HTR2A: variants seen among roughly 807,000 people sequenced by gnomAD.
The protein encoded by HTR2A is 5-hydroxytryptamine receptor 2A, also known as 5-HT2 receptor.
A neutral mutation model predicts 31.0 loss-of-function variants in HTR2A; 14 were observed. The observed-to-expected ratio is 0.45, with a 90% CI of 0.30 to 0.71. HTR2A has a LOEUF of 0.71. HTR2A is among the 30% of genes least tolerant of loss of function. HTR2A has a pLI of 0.09. For missense variants in HTR2A, 442 were observed against 573.3 expected (o/e 0.77, Z 2.34); for synonymous variants, 209 against 225.2 (o/e 0.93, Z 0.64).
chr13:46,891,170 C>T (rs771630504), intron 3 of HTR2A, among the ~76,000 whole-genome samples: 1 of 152,164 alleles, frequency 6.6e-6, no homozygotes, highest in Non-Finnish European at 1.5e-5. Context: ...CAAATAAGCA[C>T]CATAGAATCT....
chr13:46,881,201 C>T (rs1212308128), intron 3 of HTR2A, among the ~76,000 whole-genome samples: 1 of 152,162 alleles, frequency 6.6e-6, no homozygotes, highest in Non-Finnish European at 1.5e-5. Context: ...TCTCTTGCAT[C>T]TGTGGGCAGA....
chr13:46,856,403 G>A (rs1013455426), intron 3 of HTR2A: 1 of 152,162 alleles, frequency 6.6e-6, no homozygotes, highest in African/African-American at 2.4e-5. Context: ...TACACTGCAA[G>A]TTTATGAAAT....
chr13:46,839,140 C>T (rs1175984948), intron 3 of HTR2A, among the ~76,000 whole-genome samples: 1 of 152,080 alleles, frequency 6.6e-6, no homozygotes, highest in Non-Finnish European at 1.5e-5. Context: ...ACACGCAGAG[C>T]TGTTCTGTCT....
At chr13:46,844,283 TAA>T (rs1445140634) in intron 3 of HTR2A, among the ~76,000 whole-genome samples, 1 of 152,080 alleles carries the variant, frequency 6.6e-6, no homozygotes, top group East Asian at 1.9e-4. Context: ...GAGAGGAAAA[TAA>T]AAGAGAGAGT....
chr13:46,884,332 CTG>C (rs541443967), intron 3 of HTR2A, among the ~76,000 whole-genome samples: 2 of 152,168 alleles, frequency 1.3e-5, no homozygotes, highest in African/African-American at 2.4e-5. Context: ...GAAAGGGAAA[CTG>C]TGGATAAATG....
chr13:46,876,776 G>A (rs1950917521), intron 3 of HTR2A, among the ~76,000 whole-genome samples: 1 of 152,062 alleles, frequency 6.6e-6, no homozygotes, highest in African/African-American at 2.4e-5. Context: ...TTTGCTAGAT[G>A]CTTTATGTTC....
Position 46,895,991 on chromosome 13 carries a change from C to T in HTR2A, c.-85G>A, listed in dbSNP as rs1486140338. 5.3e-6 allele frequency: 8 copies of T among 1,505,682 alleles called. No individual in the cohort carries two copies. Among genetic ancestry groups the T allele is most frequent in the Non-Finnish European group, 6.2e-6 (7 of 1,134,854 alleles). 93.3% of individuals were successfully genotyped at this position (1,505,682 alleles called of 1,614,324 possible). A position where few individuals can be genotyped will look rare whatever the true frequency, so the allele number is the denominator to read the frequency against. On this transcript the variant is annotated 5_prime_UTR_variant, in exon 2 of 4. It adds an upstream start codon to the 5' untranslated region. Coordinates refer to ENST00000542664, the MANE Select transcript of HTR2A (RefSeq NM_000621.5). The surrounding 1 kb of genome is among the most constrained non-coding windows in gnomAD (Gnocchi z 4.4). ...CTCACCATTCACCTTGATGTACCCA[C>T]ACTCTGTAACACTGAGGCTGGTGTA...
At position 46,895,866 on chromosome 13, in the gene HTR2A, G is replaced by A. The variant is rs778929461; in HGVS notation, c.41C>T (p.Thr14Ile). The change falls in exon 2 of 4, where the codon ACT (threonine) becomes ATT (isoleucine). Residue 14 changes from threonine (T) to isoleucine (I), a missense_variant. Thr to Ile is a moderately conservative substitution (Grantham distance 89, BLOSUM62 -1). Coordinates refer to ENST00000542664, the MANE Select transcript of HTR2A (RefSeq NM_000621.5). This position sits in a 1 kb window ranked among gnomAD's most constrained non-coding sequence, Gnocchi z 4.4. ...ATTTAATTGCATTAGGGAGTTCGTA[G>A]TTGAGCTCAAAGAAGTATTTTCTTC... ...LCEENTSLSS[T>I]TNSLMQLNDD... 6.2e-7 allele frequency: 1 copy of A among 1,613,040 alleles called. No homozygotes were observed. The highest frequency in any genetic ancestry group is 1.3e-5 in the African/African-American group (1 of 74,858).
chr13:46,883,240 T>C (rs920105830), intron 3 of HTR2A, among the ~76,000 whole-genome samples: 1 of 133,296 alleles, frequency 7.5e-6, no homozygotes, highest in Admixed American at 7.5e-5. Flanking sequence ...TTGAGCTGCA[T>C]GAAGGCAAGA....
chr13:46,896,395 T>G (rs1440428699), intron 1 of HTR2A, among the ~76,000 whole-genome samples, 161 bp from the exon 2 acceptor site: 1 of 152,198 alleles, frequency 6.6e-6, no homozygotes, highest in East Asian at 1.9e-4. Context: ...GAAAGTCAAT[T>G]AAAAATACAT....
intron 3 of HTR2A, chr13:46,853,837 C>G (rs1950710300): frequency 6.6e-6 from 1 of 152,212 alleles, no homozygotes; most frequent in Admixed American, 6.5e-5. Context: ...TTCTGGGCTA[C>G]ATTTCTTTCC....
chr13:46,884,182 C>T (rs1016157824), intron 3 of HTR2A, among the ~76,000 whole-genome samples: 6 of 152,350 alleles, frequency 3.9e-5, no homozygotes, highest in African/African-American at 1.4e-4. Context: ...TGAAGTGGCT[C>T]ACGCCTGTAA....
chr13:46,878,752 C>G (rs4942583), intron 3 of HTR2A, among the ~76,000 whole-genome samples: 142,747 of 152,258 alleles, frequency 0.94, 66,962 homozygotes, highest in African/African-American at 0.96. Flanking sequence ...AAGAGTAACA[C>G]TAGATGAGTA....
intron 3 of HTR2A, among the ~76,000 whole-genome samples, chr13:46,876,374 G>A (rs1566314597): frequency 8.1e-6 from 1 of 123,154 alleles, no homozygotes; most frequent in Non-Finnish European, 1.8e-5. Flanking sequence ...CTGTGTGCTT[G>A]TATTTTGATT....
At chr13:46,838,437 C>T (rs527587138) in intron 3 of HTR2A, among the ~76,000 whole-genome samples, 4 of 152,270 alleles carry the variant, frequency 2.6e-5, no homozygotes, top group Admixed American at 2.0e-4. Context: ...TAGTGATGTT[C>T]TACCAGTGGT....
At chr13:46,853,015 C>G (rs1324155656) in intron 3 of HTR2A, among the ~76,000 whole-genome samples, 1 of 147,066 alleles carries the variant, frequency 6.8e-6, no homozygotes, top group African/African-American at 2.5e-5. Context: ...TCTGATTTTT[C>G]TTTTTCTCCT....
At chr13:46,896,367 G>A (rs1274767475) in intron 1 of HTR2A, 133 bp from the exon 2 acceptor site, 3 of 465,004 alleles carry the variant, frequency 6.5e-6, no homozygotes, top group Non-Finnish European at 9.9e-6. Flanking sequence ...CAGTGGGGAT[G>A]TACACATTCT....
chr13:46,865,023 G>A (rs1422838055), intron 3 of HTR2A, among the ~76,000 whole-genome samples: 15 of 151,768 alleles, frequency 9.9e-5, no homozygotes, highest in Non-Finnish European at 4.4e-5. Context: ...TATATTTCAC[G>A]TGCTCTTAAA....
intron 3 of HTR2A, among the ~76,000 whole-genome samples, chr13:46,883,760 T>C (rs745865355): frequency 3.9e-5 from 6 of 152,150 alleles, no homozygotes; most frequent in Non-Finnish European, 7.4e-5. Flanking sequence ...ATGAAATCCA[T>C]AGAGAATACT....
Sources: gnomAD v4.1 joint callset for allele counts (sites outside exome capture counted in the v4.1 genomes callset) on GRCh38, gnomAD v4.1.1 for gene constraint, Gnocchi (gnomAD v3.1) non-coding constraint, MANE v1.5 for transcripts, NCBI Gene and HGNC (gene_info 2026-07-23, HGNC 2026-07-21) for gene names.